Variants in TMEM132C observed in about 807,000 individuals in gnomAD.
TMEM132C encodes transmembrane protein 132C, also known as protein phosphatase 1, regulatory subunit 152.
In TMEM132C, 29 loss-of-function variants were observed where a neutral mutation model predicts 61.4. That is an observed-to-expected ratio of 0.47 (90% CI 0.35 to 0.64). TMEM132C has a LOEUF of 0.64. Ranked by LOEUF, TMEM132C falls within the 30% of genes least tolerant of loss-of-function variation. The pLI, the probability that TMEM132C is intolerant of heterozygous loss-of-function variation, is 0.00. For missense variants in TMEM132C, 1,408 were observed against 1,476.9 expected (o/e 0.95, Z 0.76); for synonymous variants, 656 against 633.1 (o/e 1.04, Z -0.54).
At chr12:128,509,873 G>A (rs1376388408) in intron 2 of TMEM132C, among the ~76,000 whole-genome samples, 2 of 152,080 alleles carry the variant, frequency 1.3e-5, no homozygotes, top group Admixed American at 1.3e-4. Context: ...GGCTAAAAGG[G>A]GAAAAGAACG....
At chr12:128,296,572 C>A (rs138491400) in intron 1 of TMEM132C, among the ~76,000 whole-genome samples, 2 of 152,206 alleles carry the variant, frequency 1.3e-5, no homozygotes, top group Non-Finnish European at 2.9e-5. Context: ...TCTTTCCTCT[C>A]TGTCTTTCTG....
At chr12:128,478,817 G>A (rs1241512518) in intron 2 of TMEM132C, among the ~76,000 whole-genome samples, 1 of 152,186 alleles carries the variant, frequency 6.6e-6, no homozygotes, top group Admixed American at 6.5e-5. Context: ...AACGACTTAT[G>A]CCAAGAGATC....
In TMEM132C at chr12:128,695,926, G is replaced by T. The variant is rs926201645; in HGVS notation, c.1752G>T (p.Gln584His). Residue 584 changes from glutamine (Q) to histidine (H), a missense_variant, in exon 7 of 9, where the codon CAG (glutamine) becomes CAT (histidine). Transcript: ENST00000435159. ...YQHATVRVLTQFVSEGAGPWG... is the reference protein window; with the variant it reads ...YQHATVRVLTHFVSEGAGPWG... Reference sequence around the variant, plus strand: ...ACGCCACCGTGCGGGTCCTCACCCAGTTTGTGTCTGAGGGCGCCGGTCCAT... The same window carrying T: ...ACGCCACCGTGCGGGTCCTCACCCATTTTGTGTCTGAGGGCGCCGGTCCAT... 1.9e-6 allele frequency: 3 copies of T among 1,551,646 alleles called. No homozygotes were observed. The highest frequency in any genetic ancestry group is 1.4e-5 in the African/African-American group (1 of 73,058).
chr12:128,358,679 G>C (rs1050776122), intron 1 of TMEM132C, among the ~76,000 whole-genome samples: 17 of 152,110 alleles, frequency 1.1e-4, no homozygotes, highest in Non-Finnish European at 2.2e-4. Flanking sequence ...GTGAGACCTT[G>C]GAGAGCTCCA....
chr12:128,328,012 AC>A (rs1308466414), intron 1 of TMEM132C, among the ~76,000 whole-genome samples: 5 of 150,294 alleles, frequency 3.3e-5, no homozygotes, highest in African/African-American at 1.2e-4. Context: ...GGTCTGCTTG[AC>A]CCCCCACTTC....
chr12:128,679,062 T>G (rs1476367985), intron 5 of TMEM132C, among the ~76,000 whole-genome samples: 1 of 152,216 alleles, frequency 6.6e-6, no homozygotes, highest in Non-Finnish European at 1.5e-5. Flanking sequence ...CTAAGAGTCA[T>G]ATTGCATAGA....
intron 2 of TMEM132C, among the ~76,000 whole-genome samples, chr12:128,523,900 C>G (rs1030314046): frequency 6.6e-6 from 1 of 151,710 alleles, no homozygotes; most frequent in Admixed American, 6.6e-5. Flanking sequence ...GTAGTCCCAG[C>G]CACTCAGGAG....
intron 1 of TMEM132C, among the ~76,000 whole-genome samples, chr12:128,339,707 G>C (rs975007497): frequency 2.6e-5 from 4 of 151,762 alleles, no homozygotes; most frequent in Admixed American, 6.6e-5. Context: ...TGGCAGCAGT[G>C]CAGCCTGCAG....
At chr12:128,673,815 G>A (rs991125122) in intron 5 of TMEM132C, among the ~76,000 whole-genome samples, 2 of 152,218 alleles carry the variant, frequency 1.3e-5, no homozygotes, top group Non-Finnish European at 2.9e-5. Context: ...AGGTCAGCAT[G>A]AGGATTAATC....
chr12:128,697,118 A>T, intron 7 of TMEM132C, 106 bp from the exon 8 acceptor site: 2 of 1,013,216 alleles, frequency 2.0e-6, no homozygotes, highest in Non-Finnish European at 2.8e-6. Flanking sequence ...TTTGCCCTGT[A>T]TTCTGGACCT....
At chr12:128,610,411 G>A (rs540774888) in intron 3 of TMEM132C, among the ~76,000 whole-genome samples, 46 of 152,292 alleles carry the variant, frequency 3.0e-4, no homozygotes, top group Non-Finnish European at 1.5e-4. Flanking sequence ...ACAGCTAAGA[G>A]GTTTGGTAAA....
At position 128,672,212 on chromosome 12, in the gene TMEM132C, A is replaced by G. The variant is rs1954539234; in HGVS notation, c.1449+2652A>G. Among the ~76,000 whole-genome samples, 3 of 152,130 alleles carry G rather than the reference A, an allele frequency of 2.0e-5. No individual in the cohort carries two copies. The South Asian group carries it at 6.2e-4, about 32-fold the overall frequency. ...TGAAATCGAAACTAGCCCCATTTCC[A>G]GTGCTTCATAGCCATGTGTGGCTTG... On this transcript the variant is annotated intron_variant, in intron 5 of 8. Coordinates refer to ENST00000435159, the MANE Select transcript of TMEM132C (RefSeq NM_001136103.3).
At chr12:128,668,341 G>A (rs1327364417) in intron 4 of TMEM132C, among the ~76,000 whole-genome samples, 1 of 152,098 alleles carries the variant, frequency 6.6e-6, no homozygotes, top group Non-Finnish European at 1.5e-5. Context: ...CAGCATATAA[G>A]ACATTGTTTG....
At chr12:128,267,561 C>T (rs1055780077) in intron 1 of TMEM132C, 74 bp downstream of exon 1, 95 of 1,154,314 alleles carry the variant, frequency 8.2e-5, no homozygotes, top group Non-Finnish European at 1.0e-4. Context: ...GGGGTGAGGG[C>T]AGCCGAAGCG....
intron 8 of TMEM132C, among the ~76,000 whole-genome samples, chr12:128,702,010 C>G (rs1954807697): frequency 6.6e-6 from 1 of 151,610 alleles, no homozygotes; most frequent in Non-Finnish European, 1.5e-5. Flanking sequence ...AGCAATTCTC[C>G]TGCCTCAGCC....
intron 1 of TMEM132C, among the ~76,000 whole-genome samples, chr12:128,355,239 T>TA (rs1488912350): frequency 1.3e-5 from 2 of 151,988 alleles, no homozygotes; most frequent in African/African-American, 4.8e-5. Context: ...TGAGCAGGAA[T>TA]AGGTGAAGGG....
intron 1 of TMEM132C, among the ~76,000 whole-genome samples, chr12:128,339,135 G>A (rs1156365241): frequency 6.6e-6 from 1 of 152,032 alleles, no homozygotes; most frequent in African/African-American, 2.4e-5. Context: ...CTGTGTTGGG[G>A]GCTGGGGGTT....
chr12:128,484,637 C>A (rs1286701824), intron 2 of TMEM132C, among the ~76,000 whole-genome samples: 1 of 151,988 alleles, frequency 6.6e-6, no homozygotes, highest in African/African-American at 2.4e-5. Flanking sequence ...GGAAACATTC[C>A]TAGGAAGAAG....
intron 2 of TMEM132C, among the ~76,000 whole-genome samples, chr12:128,459,656 C>A (rs994391151): frequency 1.3e-5 from 2 of 151,984 alleles, no homozygotes; most frequent in African/African-American, 4.8e-5. Context: ...CTTTAGGAGA[C>A]CAAGGCGGGT....
Sources: allele counts gnomAD v4.1 joint callset (sites outside exome capture counted in the v4.1 genomes callset), GRCh38; gene constraint gnomAD v4.1.1; transcripts MANE v1.5; gene names NCBI Gene and HGNC (gene_info 2026-07-23, HGNC 2026-07-21).